Variants in FUT8 observed in about 807,000 individuals in gnomAD.
FUT8 encodes fucosyltransferase 8, also known as alpha-(1,6)-fucosyltransferase.
Under a neutral mutation model 71.3 loss-of-function variants are expected in FUT8, and 29 were observed. That is an observed-to-expected ratio of 0.41 (90% confidence interval 0.30 to 0.55). The LOEUF (loss-of-function observed/expected upper bound fraction) is 0.55, where lower values mean the gene tolerates loss of function less well. FUT8 is among the 20% of genes least tolerant of loss of function. FUT8 has a pLI of 0.34. For synonymous variants in FUT8, 254 were observed against 239.3 expected (o/e 1.06, Z -0.57); for missense variants, 544 against 702.1 (o/e 0.77, Z 2.55).
chr14:65,596,208 C>G (rs1357081596), intron 3 of FUT8, among the ~76,000 whole-genome samples: 1 of 152,056 alleles, frequency 6.6e-6, no homozygotes, highest in African/African-American at 2.4e-5. Context: ...AAAGTATACA[C>G]AGAGATGAAC....
chr14:65,448,279 T>C (rs1164853876), intron 1 of FUT8, among the ~76,000 whole-genome samples: 1 of 152,008 alleles, frequency 6.6e-6, no homozygotes, highest in African/African-American at 2.4e-5. Flanking sequence ...AAAGCTTTGG[T>C]CATGAGTAAG....
upstream of FUT8, among the ~76,000 whole-genome samples, chr14:65,406,693 G>A (rs10141293): frequency 0.062 from 9,400 of 152,092 alleles, 495 homozygotes; most frequent in South Asian, 0.19. Context: ...CCACTACCAC[G>A]CCCAGCTAAT....
At chr14:65,713,343 A>G (rs1894898095) in intron 7 of FUT8, among the ~76,000 whole-genome samples, 1 of 152,214 alleles carries the variant, frequency 6.6e-6, no homozygotes, top group South Asian at 2.1e-4. Context: ...GCTATTGTGA[A>G]CAGTGCTGCA....
In FUT8 at chr14:65,421,735, A is replaced by ACCCCCC. The variant is rs377291691; in HGVS notation, c.-326+8524_-326+8525insCCCCCC. ...AAGATTTGTATCTTGAAACCCTTTA[A>ACCCCCC]CCCACCCCCCCCTTTTTTTTTTTTT... On this transcript the variant is annotated intron_variant, in intron 1 of 10. Coordinates refer to ENST00000673929, the MANE Select transcript of FUT8 (RefSeq NM_001371533.1). Among the ~76,000 whole-genome samples, 30 of 34,360 alleles carry ACCCCCC rather than the reference A, an allele frequency of 8.7e-4. 1 individual carries two copies. Among genetic ancestry groups the ACCCCCC allele is most frequent in the East Asian group, 6.6e-3 (2 of 302 alleles). 22.5% of individuals were successfully genotyped at this position (34,360 alleles called of 152,430 possible).
chr14:65,431,202 A>G (rs2065468545), intron 1 of FUT8, among the ~76,000 whole-genome samples: 2 of 133,782 alleles, frequency 1.5e-5, no homozygotes, highest in Admixed American at 8.2e-5. Context: ...AGGTTTCTCC[A>G]TGTTGGTCAG....
intron 2 of FUT8, among the ~76,000 whole-genome samples, chr14:65,542,357 C>G (rs2139966238): frequency 6.6e-6 from 1 of 152,312 alleles, no homozygotes; most frequent in South Asian, 2.1e-4. Context: ...ATACCATCAT[C>G]CAACATTATC....
Position 65,472,196 on chromosome 14 carries a change from G to C in FUT8, c.-228+16478G>C, listed in dbSNP as rs2066157868. ...GGGCCTTAGGCTACTTCCACTGATA[G>C]CAGAAGGCAAAGAGGTGCCAGCTTG... is the stretch of plus-strand genomic sequence containing the variant. On this transcript the variant is annotated intron_variant, in intron 2 of 10. Transcript: ENST00000673929. The surrounding 1 kb of genome is among the most constrained non-coding windows in gnomAD (Gnocchi z 4.4). 6.6e-6 allele frequency among the ~76,000 whole-genome samples: 1 copy of C among 152,128 alleles called. No homozygotes were observed. Among genetic ancestry groups the C allele is most frequent in the African/African-American group, 2.4e-5 (1 of 41,432 alleles).
chr14:65,524,330 T>A (rs1883294417), intron 2 of FUT8, among the ~76,000 whole-genome samples: 1 of 152,172 alleles, frequency 6.6e-6, no homozygotes, highest in South Asian at 2.1e-4. Flanking sequence ...ATTCTCTTTG[T>A]AGCAATTGTG....
intron 3 of FUT8, among the ~76,000 whole-genome samples, chr14:65,589,450 T>G (rs544875002): frequency 6.8e-6 from 1 of 147,096 alleles, no homozygotes; most frequent in South Asian, 2.2e-4. Context: ...TCTTTTTTTT[T>G]TTTTTTTTTT....
At chr14:65,503,686 C>G (rs764531274) in intron 2 of FUT8, among the ~76,000 whole-genome samples, 4 of 152,080 alleles carry the variant, frequency 2.6e-5, no homozygotes, top group Non-Finnish European at 5.9e-5. Flanking sequence ...CTTTACAGAC[C>G]TAGATTTTGA....
At chr14:65,468,088 A>G (rs1162946219) in intron 2 of FUT8, 1 of 636,770 alleles carries the variant, frequency 1.6e-6, no homozygotes, top group Non-Finnish European at 2.9e-6. Context: ...TACCAACAGC[A>G]TGCTGAGTAA....
In FUT8 at chr14:65,669,266, CA is replaced by C; in HGVS notation, c.626del (p.Lys209SerfsTer24). The C allele has an allele frequency of 8.7e-6, 14 of 1,613,524 alleles. No homozygotes were observed. Among genetic ancestry groups the C allele is most frequent in the Non-Finnish European group, 1.2e-5 (14 of 1,179,794 alleles). ...AGAATCCCAAGGACTGCAGCAAAGC[CA>C]AAAAGCTGGTGTGTAATATCAACAA... ...LQNPKDCSKA[K>X]KLVCNINKGC... On this transcript the variant is annotated frameshift_variant, in exon 7 of 11. Transcript: ENST00000673929. LOFTEE classifies it high-confidence loss of function. The surrounding 1 kb of genome is among the most constrained non-coding windows in gnomAD (Gnocchi z 4.5).
chr14:65,416,235 A>G (rs777837121), intron 1 of FUT8, among the ~76,000 whole-genome samples: 2 of 152,210 alleles, frequency 1.3e-5, no homozygotes, highest in African/African-American at 2.4e-5. Context: ...ATTTAAAAAA[A>G]CTTGAATAAG....
chr14:65,716,960 G>GAA (rs1190970839), intron 7 of FUT8, among the ~76,000 whole-genome samples: 1 of 142,296 alleles, frequency 7.0e-6, no homozygotes, highest in South Asian at 2.3e-4. Context: ...CTTCCCAGAC[G>GAA]GGGCGGCCGG....
chr14:65,611,193 ACACACGCGCGCGCGCGCGCGCG>A lies in FUT8; in HGVS notation c.204-4783_204-4762del, dbSNP rs1888888405. On this transcript the variant is annotated intron_variant, in intron 3 of 10. Transcript: ENST00000673929. ...TACATTTTAAGTGTCATACACACAC[ACACACGCGCGCGCGCGCGCGCG>A]CGCGCGCGCACACACACACACACAC... 5.8e-4 allele frequency among the ~76,000 whole-genome samples: 2 copies of A among 3,422 alleles called. 1 individual carries two copies. The highest frequency in any genetic ancestry group is 1.7e-3 in the African/African-American group (2 of 1,194). 2.2% of individuals were successfully genotyped at this position (3,422 alleles called of 152,430 possible).
At chr14:65,407,910 T>A (rs2065093764), upstream of FUT8, among the ~76,000 whole-genome samples, 1 of 152,184 alleles carries the variant, frequency 6.6e-6, no homozygotes, top group Non-Finnish European at 1.5e-5. Flanking sequence ...CTTGCTCATA[T>A]CTGGCAGGAA....
At chr14:65,554,061 C>T (rs1015098458) in intron 2 of FUT8, among the ~76,000 whole-genome samples, 8 of 152,004 alleles carry the variant, frequency 5.3e-5, no homozygotes, top group Non-Finnish European at 1.2e-4. Flanking sequence ...GGATATTATA[C>T]TACAGCTTTA....
At chr14:65,411,569 TCTC>T (rs2065123775), upstream of FUT8, 1 of 174,230 alleles carries the variant, frequency 5.7e-6, no homozygotes, top group African/African-American at 2.4e-5. Flanking sequence ...GCCTCTTAAA[TCTC>T]CTTTCTGTGA....
chr14:65,411,538 T>C (rs3759680), upstream of FUT8: 993 of 168,934 alleles, frequency 5.9e-3, 24 homozygotes, highest in East Asian at 0.094. Flanking sequence ...ATTAGGCAGA[T>C]TGCAACCTTG....
Sources: gnomAD v4.1 joint callset for allele counts (sites outside exome capture counted in the v4.1 genomes callset) on GRCh38, gnomAD v4.1.1 for gene constraint, Gnocchi (gnomAD v3.1) non-coding constraint, MANE v1.5 for transcripts, NCBI Gene and HGNC (gene_info 2026-07-23, HGNC 2026-07-21) for gene names.